Variants in CACNA1E observed in about 807,000 individuals in gnomAD.
The protein encoded by CACNA1E is voltage-dependent R-type calcium channel subunit alpha-1E.
In CACNA1E, 40 loss-of-function variants were observed where a neutral mutation model predicts 259.2. The observed-to-expected ratio is 0.15, with a 90% CI of 0.12 to 0.20. The LOEUF is 0.20. CACNA1E is among the 10% of genes least tolerant of loss of function. The pLI, the probability that CACNA1E is intolerant of heterozygous loss-of-function variation, is 1.00. For synonymous variants in CACNA1E, 1,104 were observed against 1,138.5 expected (o/e 0.97, Z 0.61); for missense variants, 1,874 against 3,040.1 (o/e 0.62, Z 9.02).
chr1:181,377,089 C>T (rs1397046635), intron 1 of CACNA1E, among the ~76,000 whole-genome samples: 4 of 152,096 alleles, frequency 2.6e-5, no homozygotes, highest in Non-Finnish European at 5.9e-5. Context: ...CTTCTAGGTG[C>T]CTAGGTCTAT....
At chr1:181,566,584 G>A (rs1001821374) in intron 3 of CACNA1E, among the ~76,000 whole-genome samples, 10 of 152,194 alleles carry the variant, frequency 6.6e-5, no homozygotes, top group Admixed American at 1.3e-4. Flanking sequence ...TCTTCGTCTG[G>A]CATCCTTTGG....
At chr1:181,374,086 A>G (rs574593641) in intron 1 of CACNA1E, among the ~76,000 whole-genome samples, 2 of 152,138 alleles carry the variant, frequency 1.3e-5, no homozygotes, top group East Asian at 1.9e-4. Context: ...TCATCTAGGT[A>G]TGATGTTAGG....
intron 1 of CACNA1E, among the ~76,000 whole-genome samples, chr1:181,366,194 G>A (rs1654253697): frequency 6.6e-6 from 1 of 152,106 alleles, no homozygotes; most frequent in African/African-American, 2.4e-5. Flanking sequence ...TCCATTTTAG[G>A]GTTGGAGGAG....
chr1:181,551,256 C>T (rs1648114927), intron 3 of CACNA1E, among the ~76,000 whole-genome samples: 1 of 152,140 alleles, frequency 6.6e-6, no homozygotes, highest in African/African-American at 2.4e-5. Flanking sequence ...CCCTTAGGGC[C>T]CACTACTTTG....
intron 2 of CACNA1E, among the ~76,000 whole-genome samples, chr1:181,476,507 T>C (rs371840379): frequency 6.6e-6 from 1 of 152,188 alleles, no homozygotes; most frequent in African/African-American, 2.4e-5. Flanking sequence ...CATTTTCTGT[T>C]ACTGCGGCAT....
At chr1:181,598,902 T>A (rs939220215) in intron 6 of CACNA1E, among the ~76,000 whole-genome samples, 2 of 151,616 alleles carry the variant, frequency 1.3e-5, no homozygotes, top group African/African-American at 2.4e-5. Flanking sequence ...CTTTCCTGCT[T>A]CCTGGCTGTG....
chr1:181,613,370 C>T (rs569257998), intron 6 of CACNA1E, among the ~76,000 whole-genome samples: 13 of 152,030 alleles, frequency 8.6e-5, no homozygotes, highest in East Asian at 1.9e-4. Flanking sequence ...TTACTGATAA[C>T]GTAAGCTGTC....
intron 1 of CACNA1E, among the ~76,000 whole-genome samples, chr1:181,395,307 A>T (rs1192502614): frequency 6.6e-6 from 1 of 152,208 alleles, no homozygotes. Context: ...GCTGCCGTCA[A>T]TTCAGAAGGA....
In CACNA1E at chr1:181,690,113, T is replaced by C. The variant is rs544023195; in HGVS notation, c.1056-20841T>C. 9.2e-5 allele frequency among the ~76,000 whole-genome samples: 14 copies of C among 152,306 alleles called. No individual in the cohort carries two copies. The East Asian group carries it at 1.2e-3, about 13-fold the overall frequency. On this transcript the variant is annotated intron_variant, in intron 7 of 47. Transcript: ENST00000367573. ...ATGGGGTTTTTATGGTTTGGGGTCTTACGTTTAAGTCTTTCATCCATCTTG... is the reference window on the plus strand; with the variant it reads ...ATGGGGTTTTTATGGTTTGGGGTCTCACGTTTAAGTCTTTCATCCATCTTG...
rs370697670 is a variant in CACNA1E, at chr1:181,384,032, T to G, written c.-14-29101T>G. Among the ~76,000 whole-genome samples the G allele has an allele frequency of 2.0e-5, 3 of 152,358 alleles. No individual in the cohort carries two copies. In the East Asian group the frequency reaches 5.8e-4, roughly 29 times the overall value. On this transcript the variant is annotated intron_variant, in intron 1 of 11. Coordinates refer to the CACNA1E transcript ENST00000524607. Reference sequence around the variant, plus strand: ...GCGCTGGAAATGGAGCGAATGTGACTGAAAAACTGCATTTTTTACTTTATT... The same window carrying G: ...GCGCTGGAAATGGAGCGAATGTGACGGAAAAACTGCATTTTTTACTTTATT...
chr1:181,748,434 G>A (rs1657299409), intron 25 of CACNA1E, among the ~76,000 whole-genome samples: 1 of 152,162 alleles, frequency 6.6e-6, no homozygotes, highest in South Asian at 2.1e-4. Flanking sequence ...TGTGGGAGGA[G>A]CAGGAAATAT....
intron 1 of CACNA1E, among the ~76,000 whole-genome samples, chr1:181,398,027 G>A (rs1012609446): frequency 3.9e-5 from 6 of 152,216 alleles, no homozygotes; most frequent in African/African-American, 1.2e-4. Context: ...TATTAAGCTA[G>A]TGTCTGCCTG....
intron 19 of CACNA1E, 67 bp downstream of exon 19, chr1:181,731,298 C>CCCA: frequency 7.7e-7 from 1 of 1,294,574 alleles, no homozygotes; most frequent in Non-Finnish European, 1.1e-6. Flanking sequence ...GTGTCATTGT[C>CCCA]CTTGCCATAG....
chr1:181,637,559 A>G (rs1167918813), intron 6 of CACNA1E, among the ~76,000 whole-genome samples: 1 of 151,478 alleles, frequency 6.6e-6, no homozygotes, highest in Admixed American at 6.6e-5. Flanking sequence ...GGAGCCATAC[A>G]TTCCGCTTAT....
chr1:181,659,342 A>G (rs1178899612), intron 7 of CACNA1E, among the ~76,000 whole-genome samples: 1 of 152,178 alleles, frequency 6.6e-6, no homozygotes, highest in Non-Finnish European at 1.5e-5. Context: ...TTAAAGAGGA[A>G]GTATGGATGG....
At chr1:181,675,044 CTTTTG>C (rs1358403379) in intron 7 of CACNA1E, among the ~76,000 whole-genome samples, 2 of 152,144 alleles carry the variant, frequency 1.3e-5, no homozygotes, top group Non-Finnish European at 2.9e-5. Context: ...ATTTCCTTTC[CTTTTG>C]TTTTGCCAAC....
chr1:181,321,384 A>G (rs987903874), intron 1 of CACNA1E, among the ~76,000 whole-genome samples: 2 of 152,132 alleles, frequency 1.3e-5, no homozygotes, highest in Non-Finnish European at 2.9e-5. Context: ...GGAATTGTCT[A>G]ATGGAAAGGC....
chr1:181,633,391 A>G (rs1174368453), intron 6 of CACNA1E, among the ~76,000 whole-genome samples: 2 of 152,126 alleles, frequency 1.3e-5, no homozygotes, highest in African/African-American at 4.8e-5. Flanking sequence ...GATTCATGCA[A>G]TGTAGAGATG....
At chr1:181,685,230 G>GTTTTTT (rs139598690) in intron 7 of CACNA1E, among the ~76,000 whole-genome samples, 6 of 103,436 alleles carry the variant, frequency 5.8e-5, no homozygotes, top group African/African-American at 1.9e-4. Context: ...CCACCTTTAA[G>GTTTTTT]TTTTTTTTTT....
Sources: gnomAD v4.1 joint callset for allele counts (sites outside exome capture counted in the v4.1 genomes callset) on GRCh38, gnomAD v4.1.1 for gene constraint, MANE v1.5 for transcripts, NCBI Gene and HGNC (gene_info 2026-07-23, HGNC 2026-07-21) for gene names.